JAKMIP2: variants seen among roughly 807,000 people sequenced by gnomAD.
The protein encoded by JAKMIP2 is janus kinase and microtubule interacting protein 2, also known as janus kinase and microtubule-interacting protein 2.
In JAKMIP2, 25 loss-of-function variants were observed where a neutral mutation model predicts 115.0. The observed-to-expected ratio is 0.22, with a 90% CI of 0.16 to 0.30. The LOEUF is 0.30. JAKMIP2 is among the 10% of genes least tolerant of loss of function. JAKMIP2 has a pLI of 1.00. For missense variants in JAKMIP2, 642 were observed against 957.6 expected (o/e 0.67, Z 4.35); for synonymous variants, 334 against 343.6 (o/e 0.97, Z 0.31).
At chr5:147,776,519 C>T (rs115341068) in intron 1 of JAKMIP2, among the ~76,000 whole-genome samples, 107 of 152,302 alleles carry the variant, frequency 7.0e-4, no homozygotes, top group African/African-American at 2.4e-3. Context: ...ATACATTACC[C>T]GGTCTTGGGT....
At chr5:147,608,031 A>AT (rs1756120737) in intron 20 of JAKMIP2, among the ~76,000 whole-genome samples, 1 of 151,678 alleles carries the variant, frequency 6.6e-6, no homozygotes, top group South Asian at 2.1e-4. Flanking sequence ...CCCCTTTATC[A>AT]TTTTTTATTG....
At position 147,711,732 on chromosome 5, in the gene JAKMIP2, A is replaced by G. The variant is rs71580450; in HGVS notation, c.-148-39778T>C. ...GCCCCAGCTGGAGTACAGTGGAGGTATCTTGGCTCACTGCAACCTCCACCT... is the reference window on the plus strand; with the variant it reads ...GCCCCAGCTGGAGTACAGTGGAGGTGTCTTGGCTCACTGCAACCTCCACCT... On this transcript the variant is annotated intron_variant, in intron 1 of 21. Coordinates refer to ENST00000616793, the MANE Select transcript of JAKMIP2 (RefSeq NM_001270941.2). Among the ~76,000 whole-genome samples, 394 of 152,278 alleles carry G rather than the reference A, an allele frequency of 2.6e-3. 3 individuals are homozygous for G. Among genetic ancestry groups the G allele is most frequent in the Non-Finnish European group, 4.2e-3 (284 of 68,018 alleles).
At chr5:147,700,528 C>T (rs1266765415) in intron 1 of JAKMIP2, among the ~76,000 whole-genome samples, 1 of 152,122 alleles carries the variant, frequency 6.6e-6, no homozygotes, top group Non-Finnish European at 1.5e-5. Context: ...AGAAAATAGG[C>T]AAACCTGGGA....
At position 147,639,638 on chromosome 5, in the gene JAKMIP2, T is replaced by G. The variant is rs769823164; in HGVS notation, c.1524A>C (p.Glu508Asp). ...CTCACAGATACACACTAACCTTGGC[T>G]TCTCGTTCAGCGTCGATGATGCCTC... Reference protein sequence around the residue: ...QTGGIIDAEREAKAQEQLQAE... With the variant: ...QTGGIIDAERDAKAQEQLQAE... Residue 508 changes from glutamate to aspartate, a missense_variant, in exon 10 of 22, where the codon GAA becomes GAC. By Grantham distance (45) the Glu-to-Asp change is conservative. This residue lies in a region of JAKMIP2 where 103 missense variants were observed against 177.6 expected (regional missense o/e 0.58). Transcript: ENST00000616793. 2 of 1,612,942 alleles carry G rather than the reference T, an allele frequency of 1.2e-6. No individual in the cohort carries two copies. The highest frequency in any genetic ancestry group is 1.7e-6 in the Non-Finnish European group (2 of 1,179,508).
chr5:147,604,040 A>T (rs1186298932), intron 20 of JAKMIP2, among the ~76,000 whole-genome samples: 4 of 152,122 alleles, frequency 2.6e-5, no homozygotes, highest in Non-Finnish European at 5.9e-5. Context: ...CTTATGAATT[A>T]GCAGAGAGAG....
At chr5:147,676,179 C>CA (rs34632312) in intron 1 of JAKMIP2, among the ~76,000 whole-genome samples, 1 of 152,046 alleles carries the variant, frequency 6.6e-6, no homozygotes, top group African/African-American at 2.4e-5. Context: ...TATAAAAATA[C>CA]AAAAAAATTA....
intron 3 of JAKMIP2, chr5:147,660,582 T>G (rs145217981): frequency 2.6e-6 from 1 of 388,552 alleles, no homozygotes; most frequent in Admixed American, 3.3e-5. Flanking sequence ...CACAAAAACA[T>G]GCTGACTTTA....
chr5:147,755,168 G>A (rs1754698869), intron 1 of JAKMIP2, among the ~76,000 whole-genome samples: 1 of 152,126 alleles, frequency 6.6e-6, no homozygotes, highest in Non-Finnish European at 1.5e-5. Flanking sequence ...ATTAAATGCT[G>A]GCAAATCTAC....
At chr5:147,677,719 G>C (rs1202540679) in intron 1 of JAKMIP2, among the ~76,000 whole-genome samples, 1 of 152,124 alleles carries the variant, frequency 6.6e-6, no homozygotes, top group Non-Finnish European at 1.5e-5. Flanking sequence ...TTGACAAAAA[G>C]TATGTATTTA....
chr5:147,677,588 G>T (rs1760037161), intron 1 of JAKMIP2, among the ~76,000 whole-genome samples: 1 of 152,120 alleles, frequency 6.6e-6, no homozygotes, highest in Admixed American at 6.5e-5. Context: ...AAATCATCTT[G>T]AATCATCTAC....
intron 1 of JAKMIP2, among the ~76,000 whole-genome samples, chr5:147,726,898 G>T (rs1753542244): frequency 6.6e-6 from 1 of 152,232 alleles, no homozygotes; most frequent in Admixed American, 6.5e-5. Context: ...ACCTCAAGCA[G>T]TTAAAAGCCT....
At chr5:147,764,104 A>G (rs1245490646) in intron 1 of JAKMIP2, among the ~76,000 whole-genome samples, 1 of 152,182 alleles carries the variant, frequency 6.6e-6, no homozygotes, top group Non-Finnish European at 1.5e-5. Flanking sequence ...ATTAATACCA[A>G]CTTAACAGAG....
At chr5:147,620,530 T>C (rs372595796) in intron 18 of JAKMIP2, 136 bp downstream of exon 18, 20 of 511,184 alleles carry the variant, frequency 3.9e-5, no homozygotes, top group East Asian at 1.6e-4. Context: ...TAAAATTAGA[T>C]CTGAAAACCA....
intron 1 of JAKMIP2, among the ~76,000 whole-genome samples, chr5:147,717,520 A>C (rs1407708632): frequency 8.3e-5 from 11 of 131,990 alleles, no homozygotes; most frequent in East Asian, 5.2e-4. Context: ...CTTTTATTTC[A>C]TTGAGCAGTG....
At chr5:147,746,955 A>G (rs1331420468) in intron 1 of JAKMIP2, among the ~76,000 whole-genome samples, 3 of 152,194 alleles carry the variant, frequency 2.0e-5, no homozygotes, top group African/African-American at 4.8e-5. Flanking sequence ...TAGTGCTTTA[A>G]GGCAGGAGAG....
rs113241958 is a variant in JAKMIP2 at position 147,762,833 on chromosome 5, A to C, written c.-149+19623T>G. On this transcript the variant is annotated intron_variant, in intron 1 of 21. Transcript: ENST00000616793. ...AGTGATTTTTATTCAATTATTTCCC[A>C]ATGATATAATCCTAACAGTGTGATG... Among the ~76,000 whole-genome samples the C allele has an allele frequency of 3.1e-3, 469 of 152,200 alleles. 3 individuals carry two copies. Among genetic ancestry groups the C allele is most frequent in the African/African-American group, 0.011 (446 of 41,550 alleles).
At chr5:147,685,145 T>C (rs17496399) in intron 1 of JAKMIP2, among the ~76,000 whole-genome samples, 11,297 of 152,214 alleles carry the variant, frequency 0.074, 536 homozygotes, top group Middle Eastern at 0.17. Flanking sequence ...AAAGACATAA[T>C]TAGAATGTGT....
At chr5:147,692,737 G>T (rs1247468089) in intron 1 of JAKMIP2, among the ~76,000 whole-genome samples, 1 of 152,150 alleles carries the variant, frequency 6.6e-6, no homozygotes, top group Non-Finnish European at 1.5e-5. Flanking sequence ...TTGACCTGGG[G>T]ACATGCGGAA....
At chr5:147,729,759 A>C (rs1753657119) in intron 1 of JAKMIP2, among the ~76,000 whole-genome samples, 1 of 149,670 alleles carries the variant, frequency 6.7e-6, no homozygotes, top group South Asian at 2.2e-4. Context: ...GGGAAACAGA[A>C]TGAGACTCTG....
Sources: gnomAD v4.1 joint callset for allele counts (sites outside exome capture counted in the v4.1 genomes callset) on GRCh38, gnomAD v4.1.1 for gene constraint, gnomAD v4.1.1 regional missense constraint, MANE v1.5 for transcripts, NCBI Gene and HGNC (gene_info 2026-07-23, HGNC 2026-07-21) for gene names.